Variants in TSPAN2 observed in about 807,000 individuals in gnomAD.
TSPAN2 encodes the protein tetraspanin 2, also known as tetraspanin-2.
In TSPAN2, 24 loss-of-function variants were observed where a neutral mutation model predicts 33.3. The ratio of observed to expected loss-of-function variants is 0.72; its 90% CI spans 0.52 to 1.01. TSPAN2 has a LOEUF of 1.01. Ranked by LOEUF, TSPAN2 falls within the 50% of genes least tolerant of loss-of-function variation. TSPAN2 has a pLI of 0.00. For synonymous variants in TSPAN2, 114 were observed against 104.5 expected (o/e 1.09, Z -0.56); for missense variants, 278 against 281.3 (o/e 0.99, Z 0.08).
At chr1:115,083,210 C>T (rs1166522444) in intron 1 of TSPAN2, among the ~76,000 whole-genome samples, 1 of 152,178 alleles carries the variant, frequency 6.6e-6, no homozygotes. Context: ...TTTAAGGGAG[C>T]AGCTTCGCGA....
intron 1 of TSPAN2, among the ~76,000 whole-genome samples, chr1:115,073,281 C>T (rs544467352): frequency 2.0e-4 from 31 of 152,304 alleles, no homozygotes; most frequent in African/African-American, 7.2e-4. Context: ...TTATGGGGCA[C>T]ACACAGCACA....
chr1:115,087,177 C>T (rs539570007), intron 1 of TSPAN2, among the ~76,000 whole-genome samples: 1 of 152,050 alleles, frequency 6.6e-6, no homozygotes, highest in Admixed American at 6.5e-5. Context: ...CCTTGGCCTC[C>T]TAAAGTGCTG....
intron 3 of TSPAN2, 54 bp from the exon 4 acceptor site, chr1:115,060,592 A>G (rs1647676696): frequency 6.9e-7 from 1 of 1,442,844 alleles, no homozygotes; most frequent in African/African-American, 1.4e-5. Flanking sequence ...TTCAATTTAT[A>G]TATTTTGCAC....
intron 6 of TSPAN2, among the ~76,000 whole-genome samples, chr1:115,055,333 T>TC (rs1647356037): frequency 6.6e-6 from 1 of 151,786 alleles, no homozygotes; most frequent in African/African-American, 2.4e-5. Context: ...AAGAGATTTT[T>TC]TTTTTTTTAA....
intron 1 of TSPAN2, among the ~76,000 whole-genome samples, chr1:115,087,126 C>T (rs1183391443): frequency 1.3e-5 from 2 of 151,798 alleles, no homozygotes; most frequent in Non-Finnish European, 2.9e-5. Flanking sequence ...ATCATGTTGG[C>T]CAGGCTGGTC....
chr1:115,079,729 G>A (rs1197113161), intron 1 of TSPAN2, among the ~76,000 whole-genome samples: 2 of 152,188 alleles, frequency 1.3e-5, no homozygotes, highest in Admixed American at 1.3e-4. Context: ...AGCCTGTGGC[G>A]ATGAGAAGGC....
Position 115,089,477 on chromosome 1 carries a change from C to G in TSPAN2, c.-45G>C, listed in dbSNP as rs773831922. The G allele has an allele frequency of 4.4e-6, 6 of 1,375,832 alleles. 1 individual carries two copies. The South Asian group carries it at 6.5e-5, about 15-fold the overall frequency. 85.2% of individuals were successfully genotyped at this position (1,375,832 alleles called of 1,614,324 possible). ...ATCCCCAGTCCCCAGGCCCGCGCTA[C>G]GAGCGCGGGGAGCGGCAGGCTCCGG... is the stretch of plus-strand genomic sequence containing the variant. On this transcript the variant is annotated 5_prime_UTR_variant, in exon 1 of 8. Coordinates refer to ENST00000369516, the MANE Select transcript of TSPAN2 (RefSeq NM_005725.6).
In TSPAN2 at chr1:115,057,566, T is replaced by A. The variant is rs1404943661; in HGVS notation, c.487A>T (p.Thr163Ser). Residue 163 changes from threonine (T) to serine (S), a missense_variant, in exon 6 of 8, where the codon ACA becomes TCA. Transcript: ENST00000369516. Reference sequence around the variant, plus strand: ...TGTCCTAGAAGCTCCTTTGGGCATGTAGGTTGGACCTGTTCGGAGCTTTCT... The same window carrying A: ...TGTCCTAGAAGCTCCTTTGGGCATGAAGGTTGGACCTGTTCGGAGCTTTCT... Reference protein sequence around the residue: ...GKESSEQVQPTCPKELLGHKN... With the variant: ...GKESSEQVQPSCPKELLGHKN... The A allele has an allele frequency of 6.2e-7, 1 of 1,614,050 alleles. No homozygotes were observed. Among genetic ancestry groups the A allele is most frequent in the Non-Finnish European group, 8.5e-7 (1 of 1,180,014 alleles).
At chr1:115,081,715 T>C (rs1267650784) in intron 1 of TSPAN2, among the ~76,000 whole-genome samples, 1 of 152,236 alleles carries the variant, frequency 6.6e-6, no homozygotes, top group Non-Finnish European at 1.5e-5. Flanking sequence ...TGTTACACAC[T>C]GAGAACAGTA....
At position 115,048,933 on chromosome 1, in the gene TSPAN2, G is replaced by A. The variant is rs541676745; in HGVS notation, c.*1557C>T. On this transcript the variant is annotated 3_prime_UTR_variant, in exon 8 of 8. Transcript: ENST00000369516. ...GAAATGTGGTTCTCCATGGGAGAGA[G>A]ACTATTTCAAGCAGTCATATCTTTT... is the stretch of plus-strand genomic sequence containing the variant. 1.3e-5 allele frequency: 2 copies of A among 152,242 alleles called. No homozygotes were observed. Among genetic ancestry groups the A allele is most frequent in the East Asian group, 3.9e-4 (2 of 5,182 alleles). 9.4% of individuals were successfully genotyped at this position (152,242 alleles called of 1,614,324 possible).
intron 2 of TSPAN2, among the ~76,000 whole-genome samples, chr1:115,068,787 C>T (rs1329169018): frequency 1.3e-5 from 2 of 152,182 alleles, no homozygotes; most frequent in Non-Finnish European, 2.9e-5. Flanking sequence ...TCAATTTCTA[C>T]AAACATGTCT....
intron 1 of TSPAN2, 98 bp downstream of exon 1, chr1:115,089,266 C>T (rs1648961792): frequency 1.0e-5 from 11 of 1,100,172 alleles, no homozygotes; most frequent in Non-Finnish European, 1.4e-5. Context: ...TCCCCACGAG[C>T]GCGACTCGGA....
At chr1:115,058,834 A>C in intron 5 of TSPAN2, 49 bp downstream of exon 5, 1 of 1,446,772 alleles carries the variant, frequency 6.9e-7, no homozygotes, top group Non-Finnish European at 9.7e-7. Flanking sequence ...CCTGGCTCAC[A>C]CATAATCTTT....
At chr1:115,062,060 A>C in intron 3 of TSPAN2, 75 bp downstream of exon 3, 2 of 1,277,558 alleles carry the variant, frequency 1.6e-6, no homozygotes, top group Non-Finnish European at 2.2e-6. Flanking sequence ...GCCAGGGGCC[A>C]GAGGCACTGA....
At chr1:115,053,505 G>GT in intron 6 of TSPAN2, 43 bp from the exon 7 acceptor site, 1 of 1,509,902 alleles carries the variant, frequency 6.6e-7, no homozygotes, top group Non-Finnish European at 9.2e-7. Context: ...CTGATTGTAT[G>GT]TGTCAGTCAT....
At chr1:115,070,240 C>A (rs1480144286) in intron 2 of TSPAN2, among the ~76,000 whole-genome samples, 1 of 152,142 alleles carries the variant, frequency 6.6e-6, no homozygotes, top group Non-Finnish European at 1.5e-5. Flanking sequence ...TTTCTTCTGT[C>A]CCTGAGTTTG....
At chr1:115,062,544 G>T (rs1350290785) in intron 2 of TSPAN2, among the ~76,000 whole-genome samples, 2 of 152,168 alleles carry the variant, frequency 1.3e-5, no homozygotes. Context: ...TTCACTTACT[G>T]CTTAGGCAAG....
chr1:115,067,274 T>A (rs1012349436), intron 2 of TSPAN2, among the ~76,000 whole-genome samples: 4 of 152,152 alleles, frequency 2.6e-5, no homozygotes, highest in African/African-American at 9.7e-5. Context: ...GGCAGTAGAG[T>A]TATTTTTCTT....
chr1:115,062,320 C>T (rs1238768098), intron 2 of TSPAN2, 88 bp from the exon 3 acceptor site: 9 of 972,306 alleles, frequency 9.3e-6, no homozygotes, highest in Admixed American at 6.8e-5. Flanking sequence ...CACTGCAGAG[C>T]ATTCTAATAG....
Sources: allele counts gnomAD v4.1 joint callset (sites outside exome capture counted in the v4.1 genomes callset), GRCh38; gene constraint gnomAD v4.1.1; transcripts MANE v1.5; gene names NCBI Gene and HGNC (gene_info 2026-07-23, HGNC 2026-07-21).